Variants in TACR3 observed in about 807,000 individuals in gnomAD.
The protein encoded by TACR3 is tachykinin receptor 3.
A neutral mutation model predicts 35.0 loss-of-function variants in TACR3; 34 were observed. The observed-to-expected ratio is 0.97, with a 90% CI of 0.74 to 1.30. The LOEUF is 1.30. Among genes scored for constraint, TACR3 ranks in the 50% most tolerant of loss-of-function variants. The probability of loss-of-function intolerance (pLI) is 0.00; values close to 1 mark genes in which losing one functional copy is unlikely to be tolerated. For synonymous variants in TACR3, 233 were observed against 221.1 expected (o/e 1.05, Z -0.48); for missense variants, 558 against 591.7 (o/e 0.94, Z 0.59).
Position 103,719,601 on chromosome 4 carries a change from G to A in TACR3, c.75C>T (p.Thr25=). ...GGVGADAVNL[T]ASLAAGAATG... ...TGGCCGCCCCGGCAGCTAGCGAGGC[G>A]GTCAGGTTCACGGCGTCTGCACCCA... Residue 25 remains threonine (T), a synonymous_variant, in exon 1 of 5, where the codon ACC becomes ACT. Transcript: ENST00000304883. 1 of 1,613,186 alleles carries A rather than the reference G, an allele frequency of 6.2e-7. No individual in the cohort carries two copies. The highest frequency in any genetic ancestry group is 1.1e-5 in the South Asian group (1 of 91,020).
intron 1 of TACR3, among the ~76,000 whole-genome samples, chr4:103,690,924 T>C (rs1411919566): frequency 1.3e-5 from 2 of 152,126 alleles, no homozygotes; most frequent in Admixed American, 6.6e-5. Flanking sequence ...TCACACGCAA[T>C]AGGTAGATAC....
At chr4:103,614,864 C>G (rs1724599011) in intron 3 of TACR3, among the ~76,000 whole-genome samples, 1 of 143,936 alleles carries the variant, frequency 6.9e-6, no homozygotes, top group Non-Finnish European at 1.5e-5. Flanking sequence ...AGCACTATAA[C>G]CTAAGTTGAT....
At chr4:103,640,577 A>G (rs1321378767) in intron 3 of TACR3, among the ~76,000 whole-genome samples, 1 of 151,956 alleles carries the variant, frequency 6.6e-6, no homozygotes, top group African/African-American at 2.4e-5. Flanking sequence ...AACCTCTTAT[A>G]AGATGTATGG....
chr4:103,605,940 G>C (rs901198913), intron 3 of TACR3, among the ~76,000 whole-genome samples: 7 of 152,056 alleles, frequency 4.6e-5, no homozygotes, highest in Non-Finnish European at 1.0e-4. Flanking sequence ...TTTTCTTCTA[G>C]GGTTTTTATG....
chr4:103,658,466 T>C (rs1725776131), intron 1 of TACR3, 63 bp from the exon 2 acceptor site: 10 of 1,504,806 alleles, frequency 6.6e-6, no homozygotes, highest in Non-Finnish European at 9.2e-6. Flanking sequence ...GAAATGGAGT[T>C]TCAAAGGTAT....
intron 3 of TACR3, among the ~76,000 whole-genome samples, chr4:103,629,866 A>AAACAAAG (rs1725012745): frequency 7.3e-6 from 1 of 137,338 alleles, no homozygotes; most frequent in Non-Finnish European, 1.6e-5. Flanking sequence ...AAAAACAAAA[A>AAACAAAG]AAAAACAAAA....
At chr4:103,698,920 G>A (rs1722585899) in intron 1 of TACR3, among the ~76,000 whole-genome samples, 1 of 152,016 alleles carries the variant, frequency 6.6e-6, no homozygotes, top group South Asian at 2.1e-4. Context: ...CCATAAATAT[G>A]TATAATTATT....
intron 3 of TACR3, among the ~76,000 whole-genome samples, chr4:103,616,123 A>C (rs1724652822): frequency 6.6e-6 from 1 of 152,246 alleles, no homozygotes; most frequent in South Asian, 2.1e-4. Flanking sequence ...GGAAACTCCT[A>C]GACAGGATAG....
rs1488952524 is a variant in TACR3, at chr4:103,629,857, AAAAC to A, written c.888+26333_888+26336del. Among the ~76,000 whole-genome samples the A allele has an allele frequency of 8.4e-3, 982 of 117,066 alleles. 15 individuals are homozygous for A. Among genetic ancestry groups the A allele is most frequent in the African/African-American group, 0.026 (745 of 28,906 alleles). 76.8% of individuals were successfully genotyped at this position (117,066 alleles called of 152,430 possible). On this transcript the variant is annotated intron_variant, in intron 3 of 4. Coordinates refer to ENST00000304883, the MANE Select transcript of TACR3 (RefSeq NM_001059.3). ...AGACAATCCTAAGCAAAACAAAAAA[AAAAC>A]AAAAAAAAAACAAAAAAAACAACAA...
chr4:103,598,880 G>C (rs113445970), intron 3 of TACR3, among the ~76,000 whole-genome samples: 1,888 of 152,258 alleles, frequency 0.012, 39 homozygotes, highest in African/African-American at 0.043. Flanking sequence ...TTTGAAGTCA[G>C]GTAGCATGAT....
At chr4:103,686,977 C>A (rs1223540083) in intron 1 of TACR3, among the ~76,000 whole-genome samples, 2 of 152,172 alleles carry the variant, frequency 1.3e-5, no homozygotes, top group Non-Finnish European at 2.9e-5. Context: ...CCTTGATGAA[C>A]ACTGATGCAA....
intron 3 of TACR3, among the ~76,000 whole-genome samples, chr4:103,650,623 TATAA>T (rs1166312837): frequency 1.1e-5 from 1 of 89,116 alleles, no homozygotes; most frequent in Non-Finnish European, 2.0e-5. Context: ...ATATATTATA[TATAA>T]ATATATAATA....
chr4:103,667,827 T>C (rs17033977), intron 1 of TACR3, among the ~76,000 whole-genome samples: 23,325 of 151,980 alleles, frequency 0.15, 2,324 homozygotes, highest in East Asian at 0.43. Flanking sequence ...TCTTAGCAGA[T>C]TGTTATTATT....
chr4:103,716,443 C>A (rs77192184), intron 1 of TACR3, among the ~76,000 whole-genome samples: 17,679 of 152,046 alleles, frequency 0.12, 1,335 homozygotes, highest in East Asian at 0.37. Flanking sequence ...ACAGTCAAAT[C>A]TAGTAAACTT....
intron 1 of TACR3, among the ~76,000 whole-genome samples, chr4:103,661,022 C>A (rs111867223): frequency 3.9e-5 from 6 of 151,928 alleles, no homozygotes; most frequent in African/African-American, 9.7e-5. Flanking sequence ...TCATAATGAT[C>A]CAGATAATAA....
chr4:103,687,853 C>A (rs1163563957), intron 1 of TACR3, among the ~76,000 whole-genome samples: 1 of 152,138 alleles, frequency 6.6e-6, no homozygotes, highest in Non-Finnish European at 1.5e-5. Flanking sequence ...ATGCCATCCC[C>A]ATCAAGCTAC....
chr4:103,686,003 G>A (rs1254415261), intron 1 of TACR3, among the ~76,000 whole-genome samples: 1 of 152,142 alleles, frequency 6.6e-6, no homozygotes, highest in African/African-American at 2.4e-5. Flanking sequence ...GAAAATAATA[G>A]AGATCTCATC....
rs1723812837 is a variant in TACR3 at position 103,588,116 on chromosome 4, G to A, written c.*1566C>T. On this transcript the variant is annotated 3_prime_UTR_variant, in exon 5 of 5. Coordinates refer to ENST00000304883, the MANE Select transcript of TACR3 (RefSeq NM_001059.3). ...TATTTCTGGTTTTGGCTTCAAAATA[G>A]GGAAGAGATTTGAGAAATAGACCAT... The A allele has an allele frequency of 6.6e-6, 1 of 152,068 alleles. No homozygotes were observed. Among genetic ancestry groups the A allele is most frequent in the African/African-American group, 2.4e-5 (1 of 41,438 alleles). The allele number at this position is 152,068 out of a possible 1,614,324, so 9.4% of individuals were successfully genotyped here.
intron 3 of TACR3, among the ~76,000 whole-genome samples, chr4:103,592,485 A>G (rs993982479): frequency 2.0e-5 from 3 of 152,170 alleles, no homozygotes; most frequent in Non-Finnish European, 4.4e-5. Flanking sequence ...TGAAGACAGA[A>G]TGTCTTAATT....
Sources: allele counts gnomAD v4.1 joint callset (sites outside exome capture counted in the v4.1 genomes callset), GRCh38; gene constraint gnomAD v4.1.1; transcripts MANE v1.5; gene names NCBI Gene and HGNC (gene_info 2026-07-23, HGNC 2026-07-21).